Variants in PTPRR observed in about 807,000 individuals in gnomAD.
The protein encoded by PTPRR is protein tyrosine phosphatase receptor type R.
PTPRR carries 38 observed loss-of-function variants against 77.2 expected under a neutral mutation model. The ratio of observed to expected loss-of-function variants is 0.49; its 90% CI spans 0.38 to 0.65. PTPRR has a LOEUF of 0.65. Among genes scored for constraint, PTPRR ranks in the 30% least tolerant of loss-of-function variants. The pLI, the probability that PTPRR is intolerant of heterozygous loss-of-function variation, is 0.00. For synonymous variants in PTPRR, 299 were observed against 283.1 expected (o/e 1.06, Z -0.57); for missense variants, 744 against 799.2 (o/e 0.93, Z 0.83).
chr12:70,639,247 A>G lies in PTPRR; in HGVS notation c.1911T>C (p.Tyr637=). 6.2e-7 allele frequency: 1 copy of G among 1,613,582 alleles called. No individual in the cohort carries two copies. Among genetic ancestry groups the G allele is most frequent in the Non-Finnish European group, 8.5e-7 (1 of 1,179,912 alleles). The change falls in exon 14 of 14, where the codon TAT becomes TAC. Residue 637 remains tyrosine, a synonymous_variant. Coordinates refer to ENST00000283228, the MANE Select transcript of PTPRR (RefSeq NM_002849.4). The part of the protein sequence containing the change: ...RGGMVQTSEQ[Y]EFVHHALCLY... ...GGCACAGAGCATGGTGCACAAATTC[A>G]TACTGCTCACTGGTTTGCACCATTC...
At chr12:70,706,540 G>T (rs1317323620) in intron 6 of PTPRR, among the ~76,000 whole-genome samples, 1 of 151,906 alleles carries the variant, frequency 6.6e-6, no homozygotes, top group East Asian at 1.9e-4. Flanking sequence ...TGTAGGAAAT[G>T]ATCCATTTTC....
At chr12:70,757,021 A>G (rs1592736695) in intron 4 of PTPRR, among the ~76,000 whole-genome samples, 1 of 152,202 alleles carries the variant, frequency 6.6e-6, no homozygotes, top group East Asian at 1.9e-4. Context: ...CTTCCACTGT[A>G]CTGTGCACAA....
intron 10 of PTPRR, 77 bp downstream of exon 10, chr12:70,684,050 G>T: frequency 6.8e-7 from 1 of 1,480,082 alleles, no homozygotes. Context: ...CTAAGTCCAT[G>T]GCAATTTTAC....
intron 10 of PTPRR, chr12:70,672,463 G>A: frequency 9.1e-7 from 1 of 1,103,330 alleles, no homozygotes; most frequent in Non-Finnish European, 1.4e-6. Context: ...GGCCCATGTG[G>A]CTGGCTTCAC....
intron 10 of PTPRR, among the ~76,000 whole-genome samples, chr12:70,676,873 T>C (rs542687220): frequency 6.6e-6 from 1 of 151,498 alleles, no homozygotes; most frequent in Non-Finnish European, 1.5e-5. Flanking sequence ...TTTTTTTTTT[T>C]GTCTCAAGAA....
In PTPRR at chr12:70,687,409, T is replaced by C. The variant is rs905291891; in HGVS notation, c.1280-2626A>G. On this transcript the variant is annotated intron_variant, in intron 8 of 13. Coordinates refer to ENST00000283228, the MANE Select transcript of PTPRR (RefSeq NM_002849.4). The stretch of plus-strand genomic sequence containing the variant: ...ATTTGAGCTATAAGGGATCTGGCTT[T>C]GGCAGGAGAAAGTCCCATTCTGCTT... Among the ~76,000 whole-genome samples the C allele has an allele frequency of 2.0e-5, 3 of 151,712 alleles. No homozygotes were observed. In the East Asian group the frequency reaches 5.8e-4, roughly 29 times the overall value.
intron 1 of PTPRR, among the ~76,000 whole-genome samples, chr12:70,915,304 T>C (rs140799953): frequency 6.6e-6 from 1 of 152,178 alleles, no homozygotes; most frequent in Non-Finnish European, 1.5e-5. Context: ...GAGAAGTAGG[T>C]GAGAAATAAA....
intron 2 of PTPRR, among the ~76,000 whole-genome samples, chr12:70,890,812 G>A (rs951979141): frequency 1.3e-5 from 2 of 152,014 alleles, no homozygotes; most frequent in African/African-American, 4.8e-5. Context: ...TCATTATGCT[G>A]CCCCAGAATA....
intron 1 of PTPRR, among the ~76,000 whole-genome samples, chr12:70,905,139 A>C (rs910650541): frequency 6.6e-6 from 1 of 151,790 alleles, no homozygotes; most frequent in African/African-American, 2.4e-5. Flanking sequence ...GATTTGAGGA[A>C]GGTATTTATT....
chr12:70,806,276 G>A (rs989811814), intron 2 of PTPRR, among the ~76,000 whole-genome samples: 1 of 152,230 alleles, frequency 6.6e-6, no homozygotes, highest in Non-Finnish European at 1.5e-5. Context: ...TAGAGAGAGA[G>A]AGAGAACATT....
At chr12:70,880,826 A>G (rs1159536702) in intron 2 of PTPRR, among the ~76,000 whole-genome samples, 1 of 152,172 alleles carries the variant, frequency 6.6e-6, no homozygotes, top group Non-Finnish European at 1.5e-5. Context: ...TCCATGACTT[A>G]TTTATGCTCC....
intron 2 of PTPRR, among the ~76,000 whole-genome samples, chr12:70,887,067 G>A (rs1435875592): frequency 2.0e-5 from 3 of 152,214 alleles, no homozygotes; most frequent in Non-Finnish European, 4.4e-5. Context: ...TTCAGTGATG[G>A]CGTATGTTCC....
chr12:70,815,176 T>A (rs559359245), intron 2 of PTPRR, among the ~76,000 whole-genome samples: 1 of 141,428 alleles, frequency 7.1e-6, no homozygotes, highest in African/African-American at 2.6e-5. Context: ...GAAAAAAAAT[T>A]GCAATGTCTA....
At chr12:70,798,418 G>A (rs990197731) in intron 2 of PTPRR, among the ~76,000 whole-genome samples, 6 of 151,976 alleles carry the variant, frequency 3.9e-5, no homozygotes, top group African/African-American at 9.7e-5. Context: ...AAATATACAC[G>A]AGATCAAATC....
At chr12:70,696,928 GT>G (rs1416892568) in intron 8 of PTPRR, among the ~76,000 whole-genome samples, 6 of 152,230 alleles carry the variant, frequency 3.9e-5, no homozygotes, top group African/African-American at 1.4e-4. Context: ...AGGTTCATCA[GT>G]GCCTTGTTCC....
intron 10 of PTPRR, among the ~76,000 whole-genome samples, chr12:70,671,455 G>A (rs1592656256): frequency 6.6e-6 from 1 of 152,018 alleles, no homozygotes; most frequent in East Asian, 1.9e-4. Context: ...GTATATCTCA[G>A]ACATTAAAAA....
intron 6 of PTPRR, among the ~76,000 whole-genome samples, chr12:70,716,410 T>C (rs1018648841): frequency 6.6e-6 from 1 of 152,110 alleles, no homozygotes; most frequent in Non-Finnish European, 1.5e-5. Context: ...ATTATACTTA[T>C]GTATTATGCA....
intron 2 of PTPRR, among the ~76,000 whole-genome samples, chr12:70,802,040 T>C (rs1410827998): frequency 6.6e-6 from 1 of 152,148 alleles, no homozygotes; most frequent in Non-Finnish European, 1.5e-5. Flanking sequence ...CCTGTAAGAA[T>C]CAGTTTGTCT....
chr12:70,694,120 G>T (rs866889570), intron 8 of PTPRR, among the ~76,000 whole-genome samples: 3 of 152,066 alleles, frequency 2.0e-5, no homozygotes, highest in Middle Eastern at 6.3e-3. Flanking sequence ...CCAGTATCTT[G>T]CTTTAGCTAC....
Sources: allele counts gnomAD v4.1 joint callset (sites outside exome capture counted in the v4.1 genomes callset), GRCh38; gene constraint gnomAD v4.1.1; transcripts MANE v1.5; gene names NCBI Gene and HGNC (gene_info 2026-07-23, HGNC 2026-07-21).